Variants in FAM193A observed in about 807,000 individuals in gnomAD.
The protein encoded by FAM193A is protein FAM193A.
FAM193A carries 22 observed loss-of-function variants against 126.5 expected under a neutral mutation model. The observed-to-expected ratio is 0.17, with a 90% CI of 0.12 to 0.25. The LOEUF is 0.25. Among genes scored for constraint, FAM193A ranks in the 10% least tolerant of loss-of-function variants. The pLI is 1.00. For synonymous variants in FAM193A, 761 were observed against 646.8 expected (o/e 1.18, Z -2.68); for missense variants, 1,675 against 1,672.8 (o/e 1.00, Z -0.02).
intron 12 of FAM193A, among the ~76,000 whole-genome samples, chr4:2,670,133 C>T (rs1713622694): frequency 6.6e-6 from 1 of 152,158 alleles, no homozygotes. Context: ...TTCCCCTCAT[C>T]TCTTCTCTCT....
chr4:2,676,437 C>G (rs752228271), intron 13 of FAM193A, among the ~76,000 whole-genome samples: 1 of 152,160 alleles, frequency 6.6e-6, no homozygotes, highest in Admixed American at 6.6e-5. Flanking sequence ...GGCATCTTTT[C>G]ATTGTTCATT....
Position 2,725,713 on chromosome 4 carries a change from CT to C in FAM193A, c.4455-6047del, listed in dbSNP as rs869232598. On this transcript the variant is annotated intron_variant, in intron 20 of 20. Transcript: ENST00000637812. ...GTAAAGCAATGAGAATTCTTGACAA[CT>C]TTTTTTTTTTTTTTAAGGCAATAGT... Among the ~76,000 whole-genome samples, 1,355 of 140,114 alleles carry C rather than the reference CT, an allele frequency of 9.7e-3. 9 individuals are homozygous for C. The highest frequency in any genetic ancestry group is 0.04 in the Middle Eastern group (11 of 272). 91.9% of individuals were successfully genotyped at this position (140,114 alleles called of 152,430 possible). A position where few individuals can be genotyped will look rare whatever the true frequency, so the allele number is the denominator to read the frequency against.
At chr4:2,612,514 CAAA>C (rs1004423327) in intron 2 of FAM193A, among the ~76,000 whole-genome samples, 3 of 151,906 alleles carry the variant, frequency 2.0e-5, no homozygotes, top group Admixed American at 2.0e-4. Flanking sequence ...AACAAACAAA[CAAA>C]AAAGTTTTTT....
rs546061017 is a variant in FAM193A, at chr4:2,665,061, C to G, written c.2079+1773C>G. 7.2e-5 allele frequency among the ~76,000 whole-genome samples: 11 copies of G among 152,242 alleles called. No homozygotes were observed. The East Asian group carries it at 1.9e-3, about 27-fold the overall frequency. On this transcript the variant is annotated intron_variant, in intron 12 of 20. Coordinates refer to ENST00000637812, the MANE Select transcript of FAM193A (RefSeq NM_001366318.2). Reference sequence around the variant, plus strand: ...CTTTTATTTGTGGGATGATATAGATCAATTTAGGGAGAATGCAATCCTAAC... The same window carrying G: ...CTTTTATTTGTGGGATGATATAGATGAATTTAGGGAGAATGCAATCCTAAC...
chr4:2,582,660 A>G (rs930752752), intron 1 of FAM193A, among the ~76,000 whole-genome samples: 59 of 151,974 alleles, frequency 3.9e-4, no homozygotes, highest in African/African-American at 1.4e-3. Flanking sequence ...TTAATTTTGG[A>G]AAATTCTCAA....
chr4:2,593,647 G>GTACA (rs568705716), intron 1 of FAM193A, among the ~76,000 whole-genome samples: 98 of 152,312 alleles, frequency 6.4e-4, no homozygotes, highest in African/African-American at 2.2e-3. Flanking sequence ...ACTGGTGAAT[G>GTACA]TACAGGAGCT....
At chr4:2,560,440 G>A (rs951532022) in intron 1 of FAM193A, among the ~76,000 whole-genome samples, 1 of 152,170 alleles carries the variant, frequency 6.6e-6, no homozygotes, top group African/African-American at 2.4e-5. Flanking sequence ...TCTAAACTGC[G>A]CTGTGGCCTG....
At chr4:2,704,198 G>C (rs995643411) in intron 19 of FAM193A, among the ~76,000 whole-genome samples, 15 of 150,682 alleles carry the variant, frequency 1.0e-4, no homozygotes, top group African/African-American at 3.7e-4. Flanking sequence ...GGGAGGTGGA[G>C]GTTGCAGTGA....
chr4:2,552,396 C>T (rs1737984743), intron 1 of FAM193A, among the ~76,000 whole-genome samples: 1 of 151,950 alleles, frequency 6.6e-6, no homozygotes. Flanking sequence ...AGCAATCTGC[C>T]CACCTCTGCC....
At chr4:2,724,029 C>CTT (rs35528557) in intron 20 of FAM193A, among the ~76,000 whole-genome samples, 2 of 147,742 alleles carry the variant, frequency 1.4e-5, no homozygotes, top group Non-Finnish European at 3.0e-5. Flanking sequence ...AACAGAATGT[C>CTT]TTTTTTTTTT....
At chr4:2,663,561 A>G (rs1712741574) in intron 12 of FAM193A, among the ~76,000 whole-genome samples, 1 of 152,224 alleles carries the variant, frequency 6.6e-6, no homozygotes, top group Non-Finnish European at 1.5e-5. Context: ...ATAGTGGAAT[A>G]TTAAAATTTC....
intron 19 of FAM193A, among the ~76,000 whole-genome samples, chr4:2,711,376 G>C (rs183715403): frequency 1.3e-5 from 2 of 151,008 alleles, no homozygotes; most frequent in Admixed American, 6.6e-5. Flanking sequence ...GTCTCTCTCT[G>C]TCGCCCAGAT....
intron 13 of FAM193A, among the ~76,000 whole-genome samples, chr4:2,677,676 G>T (rs1057108432): frequency 6.7e-6 from 1 of 150,368 alleles, no homozygotes; most frequent in African/African-American, 2.5e-5. Flanking sequence ...GGGAGGCGGA[G>T]ATTGCAGTGA....
At chr4:2,540,643 G>T (rs982017761) in intron 1 of FAM193A, among the ~76,000 whole-genome samples, 1 of 151,982 alleles carries the variant, frequency 6.6e-6, no homozygotes, top group Admixed American at 6.6e-5. Context: ...GTGAGACTCC[G>T]TCTCAAAAAA....
At chr4:2,713,582 G>A (rs991185661) in intron 19 of FAM193A, among the ~76,000 whole-genome samples, 1 of 152,162 alleles carries the variant, frequency 6.6e-6, no homozygotes, top group Non-Finnish European at 1.5e-5. Flanking sequence ...TCCACAGCAG[G>A]CAGTGAGTGA....
intron 1 of FAM193A, among the ~76,000 whole-genome samples, chr4:2,593,089 G>A (rs769340303): frequency 3.3e-5 from 5 of 152,148 alleles, no homozygotes; most frequent in Non-Finnish European, 7.3e-5. Context: ...GGCCCATGAC[G>A]AAGCTCAGAT....
At chr4:2,684,702 G>A (rs977662774) in intron 13 of FAM193A, among the ~76,000 whole-genome samples, 36 of 152,278 alleles carry the variant, frequency 2.4e-4, no homozygotes, top group African/African-American at 8.7e-4. Context: ...GCCCCCACAC[G>A]TCACTGTGGC....
intron 15 of FAM193A, among the ~76,000 whole-genome samples, chr4:2,693,226 G>T (rs757289283): frequency 1.3e-5 from 2 of 151,940 alleles, no homozygotes; most frequent in Admixed American, 6.6e-5. Flanking sequence ...CACTGTGTTA[G>T]TCAGGCTGGT....
chr4:2,621,692 G>C (rs1742553750), intron 2 of FAM193A, among the ~76,000 whole-genome samples: 1 of 152,168 alleles, frequency 6.6e-6, no homozygotes, highest in East Asian at 1.9e-4. Context: ...GCTTAGACTG[G>C]GTTGGAAGCA....
Sources: gnomAD v4.1 joint callset for allele counts (sites outside exome capture counted in the v4.1 genomes callset) on GRCh38, gnomAD v4.1.1 for gene constraint, MANE v1.5 for transcripts, NCBI Gene and HGNC (gene_info 2026-07-23, HGNC 2026-07-21) for gene names.